TLN2: variants seen among roughly 807,000 people sequenced by gnomAD.
TLN2 encodes the protein talin 2, also known as talin-2.
In TLN2, 118 loss-of-function variants were observed where a neutral mutation model predicts 294.7. The observed-to-expected ratio is 0.40, with a 90% CI of 0.34 to 0.47. TLN2 has a LOEUF of 0.47. Among genes scored for constraint, TLN2 ranks in the 20% least tolerant of loss-of-function variants. The pLI is 0.84. For synonymous variants in TLN2, 1,431 were observed against 1,304.5 expected, an observed-to-expected ratio of 1.10 and a Z score of -2.09; for missense variants, 3,083 against 3,282.2, an observed-to-expected ratio of 0.94 and a Z score of 1.48.
intron 1 of TLN2, among the ~76,000 whole-genome samples, chr15:62,450,539 ATGTATGTATGTGTG>A (rs1449672038): frequency 2.4e-4 from 15 of 62,140 alleles, no homozygotes; most frequent in African/African-American, 5.1e-4. Flanking sequence ...GTATGTATGT[ATGTATGTATGTGTG>A]TGTGTGTGTG....
chr15:62,655,931 T>C lies in TLN2; in HGVS notation c.518-13T>C, dbSNP rs2053160970. On this transcript the variant is annotated splice_polypyrimidine_tract_variant and intron_variant, in intron 7 of 58. Coordinates refer to ENST00000636159, the MANE Select transcript of TLN2 (RefSeq NM_015059.3). ...ATAAACACAGTTCTCTTATATGTCT[T>C]GTTGTGTTGCAGTAAATTGGCTGGA... is the stretch of plus-strand genomic sequence containing the variant. 1 of 1,614,164 alleles carries C rather than the reference T, an allele frequency of 6.2e-7. No homozygotes were observed. Among genetic ancestry groups the C allele is most frequent in the Non-Finnish European group, 8.5e-7 (1 of 1,180,000 alleles).
At chr15:62,796,106 A>G in intron 46 of TLN2, 21 bp from the exon 47 acceptor site, 1 of 1,611,082 alleles carries the variant, frequency 6.2e-7, no homozygotes, top group Non-Finnish European at 8.5e-7. Flanking sequence ...AGCTCCCCTC[A>G]CATTCCCTTT....
rs34080138 is a variant in TLN2, at chr15:62,562,530, C to CATTTATTTATTT, written c.-237-27140_-237-27129dup. 6.6e-3 allele frequency among the ~76,000 whole-genome samples: 988 copies of CATTTATTTATTT among 150,220 alleles called. 7 individuals carry two copies. The highest frequency in any genetic ancestry group is 0.023 in the African/African-American group (939 of 40,638). ...CTAGCCTTCCTGAACATCTCTCCTC[C>CATTTATTTATTT]ATTTATTTATTTATTTATTTATTTA... On this transcript the variant is annotated intron_variant, in intron 1 of 58. Transcript: ENST00000636159.
At chr15:62,441,818 T>C (rs909452383) in intron 1 of TLN2, among the ~76,000 whole-genome samples, 1 of 152,120 alleles carries the variant, frequency 6.6e-6, no homozygotes, top group African/African-American at 2.4e-5. Context: ...ATTAACAACA[T>C]GAAGGACTGG....
intron 3 of TLN2, among the ~76,000 whole-genome samples, chr15:62,633,331 C>T (rs1318097179): frequency 6.6e-6 from 1 of 152,230 alleles, no homozygotes; most frequent in African/African-American, 2.4e-5. Flanking sequence ...GTGTCTTGCT[C>T]TGTTACTCAG....
At chr15:62,742,072 T>TGTGA (rs1555495864) in intron 32 of TLN2, among the ~76,000 whole-genome samples, 6,105 of 142,286 alleles carry the variant, frequency 0.043, 220 homozygotes, top group East Asian at 0.081. Context: ...TGTGTGTGTG[T>TGTGA]GTGAAGGGTT....
chr15:62,689,863 T>A, intron 12 of TLN2, among the ~76,000 whole-genome samples: 1 of 82,318 alleles, frequency 1.2e-5, no homozygotes, highest in African/African-American at 3.5e-5. Context: ...TTTTTTTTTT[T>A]TTTTTTTTTT....
At chr15:62,587,474 G>T (rs1377299897) in intron 1 of TLN2, among the ~76,000 whole-genome samples, 1 of 152,100 alleles carries the variant, frequency 6.6e-6, no homozygotes, top group East Asian at 1.9e-4. Context: ...ACTGCATATG[G>T]TCATTTACCT....
At chr15:62,543,273 A>G (rs550932879) in intron 1 of TLN2, among the ~76,000 whole-genome samples, 5 of 152,336 alleles carry the variant, frequency 3.3e-5, no homozygotes, top group Non-Finnish European at 5.9e-5. Flanking sequence ...CAGAAACTCT[A>G]TATTCTCAAC....
chr15:62,805,579 C>A, intron 50 of TLN2, 21 bp from the exon 51 acceptor site: 1 of 1,561,270 alleles, frequency 6.4e-7, no homozygotes, highest in Non-Finnish European at 8.7e-7. Context: ...TTTTTTTAAC[C>A]TCTCTGTTTC....
chr15:62,602,943 A>C (rs1333575512), intron 2 of TLN2, among the ~76,000 whole-genome samples: 1 of 150,234 alleles, frequency 6.7e-6, no homozygotes, highest in Non-Finnish European at 1.5e-5. Context: ...CCCAGGCTGG[A>C]GTGCAGTGGC....
chr15:62,771,251 C>A, intron 42 of TLN2, 117 bp downstream of exon 42: 1 of 1,176,138 alleles, frequency 8.5e-7, no homozygotes, highest in Non-Finnish European at 1.1e-6. Flanking sequence ...GGCATTTGAG[C>A]TCCCACTCTG....
At position 62,427,228 on chromosome 15, in the gene TLN2, A is replaced by C. The variant is rs111492349; in HGVS notation, c.-238+36543A>C. Among the ~76,000 whole-genome samples the C allele has an allele frequency of 1.3e-3, 195 of 152,184 alleles. 1 individual carries two copies. The highest frequency in any genetic ancestry group is 2.2e-3 in the Non-Finnish European group (152 of 68,006). ...TTATTTTATATTTTCATCCACAAAC[A>C]GGATTTATGGGTCTGAAGAGGAGGG... On this transcript the variant is annotated intron_variant, in intron 1 of 58. Transcript: ENST00000636159.
chr15:62,581,183 C>T (rs2044982833), intron 1 of TLN2, among the ~76,000 whole-genome samples: 1 of 152,094 alleles, frequency 6.6e-6, no homozygotes, highest in East Asian at 1.9e-4. Flanking sequence ...CCCGGCCCAA[C>T]CAGTGATCTT....
chr15:62,682,153 A>C (rs1378381246), intron 11 of TLN2, among the ~76,000 whole-genome samples: 1 of 152,228 alleles, frequency 6.6e-6, no homozygotes, highest in African/African-American at 2.4e-5. Flanking sequence ...TTTGCCAATC[A>C]TGCTACTCAA....
chr15:62,822,245 T>G (rs1399119373), intron 54 of TLN2, among the ~76,000 whole-genome samples: 1 of 152,208 alleles, frequency 6.6e-6, no homozygotes, highest in East Asian at 1.9e-4. Flanking sequence ...AATAATTAAA[T>G]AAGATAGTAT....
At chr15:62,694,413 T>C (rs2058174124) in intron 14 of TLN2, 21 bp downstream of exon 14, 3 of 1,606,670 alleles carry the variant, frequency 1.9e-6, no homozygotes, top group Admixed American at 1.7e-5. Context: ...TGAAGAGTAC[T>C]AGAGGACCAC....
In TLN2 at chr15:62,707,171, A is replaced by C; in HGVS notation, c.2090A>C (p.Glu697Ala). The C allele has an allele frequency of 6.2e-7, 1 of 1,614,222 alleles. No individual in the cohort carries two copies. The highest frequency in any genetic ancestry group is 8.5e-7 in the Non-Finnish European group (1 of 1,180,040). Reference protein sequence around the residue: ...LKAKNVAQVAEDTVLQNRVIA... With the variant: ...LKAKNVAQVAADTVLQNRVIA... ...GCAAAGAATGTTGCCCAAGTGGCCGAAGACACTGTCCTACAGAACAGGGTA... is the reference window on the plus strand; with the variant it reads ...GCAAAGAATGTTGCCCAAGTGGCCGCAGACACTGTCCTACAGAACAGGGTA... Residue 697 changes from glutamate to alanine, a missense_variant, in exon 20 of 59, where the codon GAA becomes GCA. Coordinates refer to ENST00000636159, the MANE Select transcript of TLN2 (RefSeq NM_015059.3).
Position 62,692,942 on chromosome 15 carries a change from G to C in TLN2, c.1215+1G>C. ...CTACATTGACATCATCCTGAAAAAG[G>C]TATTTTGTATTGATGCAAATTGGAA... On this transcript the variant is annotated splice_donor_variant, in intron 13 of 58. Transcript: ENST00000636159. LOFTEE classifies it high-confidence loss of function. The C allele has an allele frequency of 6.2e-7, 1 of 1,606,850 alleles. No individual in the cohort carries two copies. Among genetic ancestry groups the C allele is most frequent in the Non-Finnish European group, 8.5e-7 (1 of 1,177,378 alleles).
Sources: gnomAD v4.1 joint callset for allele counts (sites outside exome capture counted in the v4.1 genomes callset) on GRCh38, gnomAD v4.1.1 for gene constraint, MANE v1.5 for transcripts, NCBI Gene and HGNC (gene_info 2026-07-23, HGNC 2026-07-21) for gene names.